The following AGPAT4 variants were observed in gnomAD, a reference collection of about 807,000 sequenced individuals.
AGPAT4 encodes 1-acylglycerol-3-phosphate O-acyltransferase 4.
AGPAT4 carries 15 observed loss-of-function variants against 48.0 expected under a neutral mutation model. The ratio of observed to expected loss-of-function variants is 0.31; its 90% CI spans 0.21 to 0.48. The LOEUF (loss-of-function observed/expected upper bound fraction) is 0.48, where lower values mean the gene tolerates loss of function less well. AGPAT4 is among the 20% of genes least tolerant of loss of function. The probability of loss-of-function intolerance (pLI) is 0.99; values close to 1 mark genes in which losing one functional copy is unlikely to be tolerated. For synonymous variants in AGPAT4, 178 were observed against 198.7 expected (o/e 0.90, Z 0.88); for missense variants, 314 against 482.5 (o/e 0.65, Z 3.27).
rs1783136389 is a variant in AGPAT4 at position 161,262,675 on chromosome 6, TG to T, written c.-90+11262del. Among the ~76,000 whole-genome samples the T allele has an allele frequency of 6.6e-6, 1 of 152,172 alleles. No homozygotes were observed. Among genetic ancestry groups the T allele is most frequent in the African/African-American group, 2.4e-5 (1 of 41,438 alleles). ...CACTTCTTCCTTTGCTCAGAAGGTT[TG>T]GGTCCGATTATTCTTCAGTCCCACG... On this transcript the variant is annotated intron_variant, in intron 1 of 8. Coordinates refer to ENST00000320285, the MANE Select transcript of AGPAT4 (RefSeq NM_020133.3). This position sits in a 1 kb window ranked among gnomAD's most constrained non-coding sequence, Gnocchi z 4.9.
At position 161,262,225 on chromosome 6, in the gene AGPAT4, A is replaced by G. The variant is rs1173647754; in HGVS notation, c.-90+11713T>C. ...TAGAACTTAAAAAAAAATGAGCCTG[A>G]ATTGGTTGGTCCAAGGTGGGGCCCA... is the stretch of plus-strand genomic sequence containing the variant. On this transcript the variant is annotated intron_variant, in intron 1 of 8. Coordinates refer to ENST00000320285, the MANE Select transcript of AGPAT4 (RefSeq NM_020133.3). This position sits in a 1 kb window ranked among gnomAD's most constrained non-coding sequence, Gnocchi z 4.9. Among the ~76,000 whole-genome samples the G allele has an allele frequency of 6.6e-6, 1 of 152,076 alleles. No homozygotes were observed. The highest frequency in any genetic ancestry group is 6.5e-5 in the Admixed American group (1 of 15,270).
At chr6:161,247,853 A>C (rs1782698304) in intron 1 of AGPAT4, among the ~76,000 whole-genome samples, 2 of 151,942 alleles carry the variant, frequency 1.3e-5, no homozygotes, top group Non-Finnish European at 2.9e-5. Context: ...GTGGTGGCAC[A>C]TGTCTGTAAT....
In AGPAT4 at chr6:161,154,564, G is replaced by C. The variant is rs1396730616; in HGVS notation, c.349-254C>G. Among the ~76,000 whole-genome samples, 1 of 152,154 alleles carries C rather than the reference G, an allele frequency of 6.6e-6. No homozygotes were observed. Among genetic ancestry groups the C allele is most frequent in the Non-Finnish European group, 1.5e-5 (1 of 68,024 alleles). Reference sequence around the variant, plus strand: ...ACCCTGGTTCTCAGCGCAGACGGCAGGAGTCAAGAAGGCAGCAGCGAGCAG... The same window carrying C: ...ACCCTGGTTCTCAGCGCAGACGGCACGAGTCAAGAAGGCAGCAGCGAGCAG... On this transcript the variant is annotated intron_variant, in intron 3 of 8. Coordinates refer to ENST00000320285, the MANE Select transcript of AGPAT4 (RefSeq NM_020133.3). The surrounding 1 kb of genome is among the most constrained non-coding windows in gnomAD (Gnocchi z 7.8).
rs1016127743 is a variant in AGPAT4, at chr6:161,169,876, G to C, written c.179-3459C>G. On this transcript the variant is annotated intron_variant, in intron 2 of 8. Coordinates refer to ENST00000320285, the MANE Select transcript of AGPAT4 (RefSeq NM_020133.3). This position sits in a 1 kb window ranked among gnomAD's most constrained non-coding sequence, Gnocchi z 5.0. The stretch of plus-strand genomic sequence containing the variant: ...CTTGGGAGGTTTGCAAGGTGGAAAG[G>C]AAATACCACCATTTTGTAGGTCACA... Among the ~76,000 whole-genome samples the C allele has an allele frequency of 1.3e-5, 2 of 152,156 alleles. No homozygotes were observed. The highest frequency in any genetic ancestry group is 4.8e-5 in the African/African-American group (2 of 41,432).
chr6:161,165,402 T>G lies in AGPAT4; in HGVS notation c.348+846A>C, dbSNP rs781778874. 1.2e-4 allele frequency among the ~76,000 whole-genome samples: 18 copies of G among 152,136 alleles called. No individual in the cohort carries two copies. The highest frequency in any genetic ancestry group is 2.5e-4 in the Non-Finnish European group (17 of 68,022). On this transcript the variant is annotated intron_variant, in intron 3 of 8. Transcript: ENST00000320285. This position sits in a 1 kb window ranked among gnomAD's most constrained non-coding sequence, Gnocchi z 5.5. ...ATCTTCTATATTCTAAACACCACGA[T>G]TTTGTCTTCAGGGGCTACCAAAAAG...
At position 161,264,011 on chromosome 6, in the gene AGPAT4, A is replaced by G. The variant is rs1240314374; in HGVS notation, c.-90+9927T>C. ...GTTTCAAATTAGATTAGAGAAAATA[A>G]TTGGCAACCCACAGGGCTGGGGGCA... On this transcript the variant is annotated intron_variant, in intron 1 of 8. Transcript: ENST00000320285. The surrounding 1 kb of genome is among the most constrained non-coding windows in gnomAD (Gnocchi z 6.8). 6.6e-6 allele frequency among the ~76,000 whole-genome samples: 1 copy of G among 152,166 alleles called. No homozygotes were observed. Among genetic ancestry groups the G allele is most frequent in the Non-Finnish European group, 1.5e-5 (1 of 68,034 alleles).
intron 1 of AGPAT4, among the ~76,000 whole-genome samples, chr6:161,252,993 A>T (rs1241917793): frequency 6.6e-6 from 1 of 151,960 alleles, no homozygotes; most frequent in Non-Finnish European, 1.5e-5. Context: ...AGGCAGGCAG[A>T]TCATGAGGTC....
rs1361136847 is a variant in AGPAT4 at position 161,219,920 on chromosome 6, A to AGGCC, written c.178+12115_178+12116insGGCC. ...GCAGGCAGGCAGGCAGGCAGGCGGC[A>AGGCC]GGCAGGCAGGCAGGCAGGCAGGCAG... On this transcript the variant is annotated intron_variant, in intron 2 of 8. Coordinates refer to ENST00000320285, the MANE Select transcript of AGPAT4 (RefSeq NM_020133.3). This position sits in a 1 kb window ranked among gnomAD's most constrained non-coding sequence, Gnocchi z 4.9. 8.2e-6 allele frequency among the ~76,000 whole-genome samples: 1 copy of AGGCC among 122,464 alleles called. No individual in the cohort carries two copies. Among genetic ancestry groups the AGGCC allele is most frequent in the African/African-American group, 3.5e-5 (1 of 28,938 alleles). The allele number at this position is 122,464 out of a possible 152,430, so 80.3% of individuals were successfully genotyped here. A position where few individuals can be genotyped will look rare whatever the true frequency, so the allele number is the denominator to read the frequency against.
chr6:161,190,432 A>G (rs1780887538), intron 2 of AGPAT4, among the ~76,000 whole-genome samples: 1 of 152,004 alleles, frequency 6.6e-6, no homozygotes, highest in African/African-American at 2.4e-5. Flanking sequence ...GAGTGATTTG[A>G]TCCTTTTATA....
rs560391628 is a variant in AGPAT4 at position 161,137,439 on chromosome 6, C to A, written c.1043-805G>T. Among the ~76,000 whole-genome samples the A allele has an allele frequency of 1.6e-4, 24 of 152,300 alleles. No homozygotes were observed. Among genetic ancestry groups the A allele is most frequent in the African/African-American group, 5.1e-4 (21 of 41,570 alleles). On this transcript the variant is annotated intron_variant, in intron 8 of 8. Transcript: ENST00000320285. The surrounding 1 kb of genome is among the most constrained non-coding windows in gnomAD (Gnocchi z 6.1). ...ACAGGATTATCTAGCATTAGCATCG[C>A]GGTCGATAAACTAACTGGGACATGG...
rs958444774 is a variant in AGPAT4, at chr6:161,189,252, C to T, written c.179-22835G>A. On this transcript the variant is annotated intron_variant, in intron 2 of 8. Transcript: ENST00000320285. This position sits in a 1 kb window ranked among gnomAD's most constrained non-coding sequence, Gnocchi z 5.3. The stretch of plus-strand genomic sequence containing the variant: ...AGGAATTAGGAGGCTTTCCCATCTG[C>T]GGACTGTCCTGCCTCCTCCCCATCT... Among the ~76,000 whole-genome samples, 7 of 152,128 alleles carry T rather than the reference C, an allele frequency of 4.6e-5. No homozygotes were observed. The highest frequency in any genetic ancestry group is 2.1e-4 in the South Asian group (1 of 4,820).
In AGPAT4 at chr6:161,204,188, T is replaced by C. The variant is rs761076769; in HGVS notation, c.178+27848A>G. On this transcript the variant is annotated intron_variant, in intron 2 of 8. Coordinates refer to ENST00000320285, the MANE Select transcript of AGPAT4 (RefSeq NM_020133.3). This position sits in a 1 kb window ranked among gnomAD's most constrained non-coding sequence, Gnocchi z 4.4. The stretch of plus-strand genomic sequence containing the variant: ...TGCATTTAGAGAAGATGAATGCATT[T>C]AAACTTCTCATTAGTAAGTGTACAT... Among the ~76,000 whole-genome samples the C allele has an allele frequency of 6.6e-6, 1 of 152,250 alleles. No individual in the cohort carries two copies. Among genetic ancestry groups the C allele is most frequent in the South Asian group, 2.1e-4 (1 of 4,838 alleles).
intron 2 of AGPAT4, among the ~76,000 whole-genome samples, chr6:161,188,707 C>T (rs1288930565): frequency 6.6e-6 from 1 of 152,046 alleles, no homozygotes; most frequent in African/African-American, 2.4e-5. Context: ...CTTGTTAACC[C>T]AGCAGTCACC....
intron 2 of AGPAT4, among the ~76,000 whole-genome samples, chr6:161,199,909 T>C (rs932525915): frequency 1.2e-4 from 18 of 152,130 alleles, no homozygotes; most frequent in African/African-American, 7.2e-5. Context: ...AGTGTGAGAA[T>C]AGACTAAAGC....
rs572321716 is a variant in AGPAT4, at chr6:161,206,362, A to C, written c.178+25674T>G. On this transcript the variant is annotated intron_variant, in intron 2 of 8. Coordinates refer to ENST00000320285, the MANE Select transcript of AGPAT4 (RefSeq NM_020133.3). The surrounding 1 kb of genome is among the most constrained non-coding windows in gnomAD (Gnocchi z 4.8). Reference sequence around the variant, plus strand: ...ACCCTTTTCCTCAACACAATAAAGCACTCCCTCCCCTCCCAGCCAGCACAC... The same window carrying C: ...ACCCTTTTCCTCAACACAATAAAGCCCTCCCTCCCCTCCCAGCCAGCACAC... 6.6e-6 allele frequency among the ~76,000 whole-genome samples: 1 copy of C among 150,512 alleles called. No individual in the cohort carries two copies.
In AGPAT4 at chr6:161,201,521, G is replaced by A. The variant is rs181892396; in HGVS notation, c.178+30515C>T. On this transcript the variant is annotated intron_variant, in intron 2 of 8. Coordinates refer to ENST00000320285, the MANE Select transcript of AGPAT4 (RefSeq NM_020133.3). The surrounding 1 kb of genome is among the most constrained non-coding windows in gnomAD (Gnocchi z 6.0). ...GCTGTCATCCAAATTTCCCCACCATGAGCTCTATCTGCGATGTCCCAGGAA... is the reference window on the plus strand; with the variant it reads ...GCTGTCATCCAAATTTCCCCACCATAAGCTCTATCTGCGATGTCCCAGGAA... Among the ~76,000 whole-genome samples the A allele has an allele frequency of 3.9e-5, 6 of 152,306 alleles. No homozygotes were observed. Among genetic ancestry groups the A allele is most frequent in the East Asian group, 3.9e-4 (2 of 5,180 alleles).
At chr6:161,176,109 T>C (rs1192784393) in intron 2 of AGPAT4, among the ~76,000 whole-genome samples, 2 of 152,224 alleles carry the variant, frequency 1.3e-5, no homozygotes. Flanking sequence ...AGAATGTATA[T>C]TCTGTTGATT....
rs2115022649 is a variant in AGPAT4 at position 161,216,529 on chromosome 6, C to T, written c.178+15507G>A. Among the ~76,000 whole-genome samples the T allele has an allele frequency of 6.6e-6, 1 of 152,256 alleles. No homozygotes were observed. The highest frequency in any genetic ancestry group is 1.5e-5 in the Non-Finnish European group (1 of 68,004). On this transcript the variant is annotated intron_variant, in intron 2 of 8. Transcript: ENST00000320285. This position sits in a 1 kb window ranked among gnomAD's most constrained non-coding sequence, Gnocchi z 4.8. ...CAAAATGCTGGGGCAGCATCAGCCCCGACGCCCCAGGCCCCACCCCAGCAC... is the reference window on the plus strand; with the variant it reads ...CAAAATGCTGGGGCAGCATCAGCCCTGACGCCCCAGGCCCCACCCCAGCAC...
Position 161,165,803 on chromosome 6 carries a change from T to C in AGPAT4, c.348+445A>G. 1 of 588,648 alleles carries C rather than the reference T, an allele frequency of 1.7e-6. No individual in the cohort carries two copies. Among genetic ancestry groups the C allele is most frequent in the Admixed American group, 2.3e-5 (1 of 44,158 alleles). 36.5% of individuals were successfully genotyped at this position (588,648 alleles called of 1,614,324 possible). On this transcript the variant is annotated intron_variant, in intron 3 of 8. Coordinates refer to ENST00000320285, the MANE Select transcript of AGPAT4 (RefSeq NM_020133.3). This position sits in a 1 kb window ranked among gnomAD's most constrained non-coding sequence, Gnocchi z 5.5. ...CTTATGGACTCAAAGTTCTTAAGCC[T>C]TCAACGATCAAAATGCAGAGGTGAT...
Sources: allele counts gnomAD v4.1 joint callset (sites outside exome capture counted in the v4.1 genomes callset), GRCh38; gene constraint gnomAD v4.1.1; non-coding constraint Gnocchi (gnomAD v3.1); transcripts MANE v1.5; gene names NCBI Gene and HGNC (gene_info 2026-07-23, HGNC 2026-07-21).